PIBF1: variants seen among roughly 807,000 people sequenced by gnomAD.
PIBF1 encodes progesterone immunomodulatory binding factor 1.
PIBF1 carries 90 observed loss-of-function variants against 112.5 expected under a neutral mutation model. That is an observed-to-expected ratio of 0.80 (90% confidence interval 0.67 to 0.95). The LOEUF (loss-of-function observed/expected upper bound fraction) is 0.95, where lower values mean the gene tolerates loss of function less well. Among genes scored for constraint, PIBF1 ranks in the 40% least tolerant of loss-of-function variants. The probability of loss-of-function intolerance (pLI) is 0.00; values close to 1 mark genes in which losing one functional copy is unlikely to be tolerated. For synonymous variants in PIBF1, 301 were observed against 288.6 expected (o/e 1.04, Z -0.44); for missense variants, 915 against 852.3 (o/e 1.07, Z -0.92).
intron 13 of PIBF1, among the ~76,000 whole-genome samples, chr13:72,926,695 A>G (rs1167435495): frequency 6.6e-6 from 1 of 152,192 alleles, no homozygotes; most frequent in Non-Finnish European, 1.5e-5. Flanking sequence ...TCTATACTCT[A>G]CTACTTAGAA....
chr13:73,012,436 A>T (rs1389668828), intron 17 of PIBF1, among the ~76,000 whole-genome samples: 1 of 152,076 alleles, frequency 6.6e-6, no homozygotes, highest in Non-Finnish European at 1.5e-5. Context: ...AACCTTGAGA[A>T]TATTTCAGGC....
At chr13:73,012,277 G>C (rs1273213587) in intron 17 of PIBF1, among the ~76,000 whole-genome samples, 1 of 152,070 alleles carries the variant, frequency 6.6e-6, no homozygotes, top group Admixed American at 6.6e-5. Flanking sequence ...GCTTGAACCT[G>C]GGAGGCCAAG....
intron 14 of PIBF1, among the ~76,000 whole-genome samples, chr13:72,935,857 T>C (rs1463570368): frequency 6.6e-6 from 1 of 152,078 alleles, no homozygotes; most frequent in African/African-American, 2.4e-5. Context: ...CTCCTCACAT[T>C]TTTTGTCTGT....
At chr13:72,867,466 CTAGT>C (rs1275187902) in intron 10 of PIBF1, among the ~76,000 whole-genome samples, 2 of 152,126 alleles carry the variant, frequency 1.3e-5, no homozygotes, top group African/African-American at 4.8e-5. Flanking sequence ...TTACCATCAT[CTAGT>C]TAGTTGATTT....
intron 16 of PIBF1, among the ~76,000 whole-genome samples, chr13:72,976,414 CCTA>C (rs1396847103): frequency 1.3e-5 from 2 of 152,138 alleles, no homozygotes; most frequent in East Asian, 3.9e-4. Context: ...TCATTAATTG[CCTA>C]CTACTACATG....
At chr13:72,848,831 CA>C (rs1250173775) in intron 9 of PIBF1, among the ~76,000 whole-genome samples, 1,413 of 93,774 alleles carry the variant, frequency 0.015, 13 homozygotes, top group Middle Eastern at 0.026. Context: ...GACTCCGTCT[CA>C]AAAAAAAAAA....
chr13:72,982,957 G>A (rs777843850), intron 16 of PIBF1, among the ~76,000 whole-genome samples: 1 of 152,176 alleles, frequency 6.6e-6, no homozygotes, highest in Non-Finnish European at 1.5e-5. Context: ...CTAAAACCTT[G>A]GAGATGGTAG....
At chr13:72,869,421 G>A (rs1218710033) in intron 10 of PIBF1, among the ~76,000 whole-genome samples, 3 of 142,256 alleles carry the variant, frequency 2.1e-5, no homozygotes, top group Non-Finnish European at 3.0e-5. Flanking sequence ...AACAATGAGA[G>A]CACATGGACA....
chr13:72,824,445 G>T (rs1593982726), intron 6 of PIBF1, among the ~76,000 whole-genome samples: 1 of 152,124 alleles, frequency 6.6e-6, no homozygotes, highest in African/African-American at 2.4e-5. Context: ...CCATTGAATA[G>T]AATAAGAGTT....
intron 14 of PIBF1, among the ~76,000 whole-genome samples, chr13:72,935,423 G>A (rs141102327): frequency 1.4e-4 from 22 of 152,258 alleles, no homozygotes; most frequent in African/African-American, 4.3e-4. Flanking sequence ...TTGTGTGGAA[G>A]TACCACAGTT....
chr13:72,849,286 A>G (rs1042901103), intron 9 of PIBF1, among the ~76,000 whole-genome samples: 1 of 152,218 alleles, frequency 6.6e-6, no homozygotes, highest in African/African-American at 2.4e-5. Flanking sequence ...TAAAACACTT[A>G]TCTTTCTTTG....
At chr13:72,992,155 T>C (rs2043502154) in intron 16 of PIBF1, among the ~76,000 whole-genome samples, 1 of 152,194 alleles carries the variant, frequency 6.6e-6, no homozygotes, top group Non-Finnish European at 1.5e-5. Context: ...GTCGCATCAC[T>C]GCAGTCCAGC....
chr13:72,935,945 T>C lies in PIBF1; in HGVS notation c.1833+4678T>C, dbSNP rs542990482. ...TCCTAAATACAAGTCATTTATCAGA[T>C]ATATGATTTACAAATATTTTTTCCC... On this transcript the variant is annotated intron_variant, in intron 14 of 17. Coordinates refer to ENST00000326291, the MANE Select transcript of PIBF1 (RefSeq NM_006346.4). Among the ~76,000 whole-genome samples, 14 of 152,160 alleles carry C rather than the reference T, an allele frequency of 9.2e-5. No homozygotes were observed. The East Asian group carries it at 2.5e-3, about 27-fold the overall frequency.
chr13:72,940,958 G>A (rs1394628742), intron 14 of PIBF1, among the ~76,000 whole-genome samples: 1 of 152,124 alleles, frequency 6.6e-6, no homozygotes, highest in Non-Finnish European at 1.5e-5. Flanking sequence ...TCAGAGTTCT[G>A]TCTCTTTGCA....
chr13:72,910,444 A>G (rs1322124551), intron 12 of PIBF1, among the ~76,000 whole-genome samples: 3 of 152,206 alleles, frequency 2.0e-5, no homozygotes, highest in African/African-American at 7.2e-5. Flanking sequence ...GTAACTTTGC[A>G]TATTTCCCTT....
intron 5 of PIBF1, among the ~76,000 whole-genome samples, chr13:72,813,410 A>G (rs979878583): frequency 6.6e-6 from 1 of 152,180 alleles, no homozygotes; most frequent in African/African-American, 2.4e-5. Context: ...GTATTGCTGC[A>G]TAACAAATCA....
At chr13:73,014,081 C>T (rs1377365669) in intron 17 of PIBF1, among the ~76,000 whole-genome samples, 1 of 151,348 alleles carries the variant, frequency 6.6e-6, no homozygotes, top group African/African-American at 2.4e-5. Flanking sequence ...CTCTCCTCCC[C>T]TCCCCCTTTT....
chr13:72,799,908 G>A (rs188103504), intron 5 of PIBF1, among the ~76,000 whole-genome samples: 1 of 152,130 alleles, frequency 6.6e-6, no homozygotes, highest in African/African-American at 2.4e-5. Context: ...CTTGAACACA[G>A]ATTCCTCAGG....
chr13:72,926,638 C>T (rs950988313), intron 13 of PIBF1, among the ~76,000 whole-genome samples: 1 of 152,248 alleles, frequency 6.6e-6, no homozygotes, highest in South Asian at 2.1e-4. Context: ...ATATCTCTGC[C>T]TATATCTCTC....
Sources: allele counts gnomAD v4.1 joint callset (sites outside exome capture counted in the v4.1 genomes callset), GRCh38; gene constraint gnomAD v4.1.1; transcripts MANE v1.5; gene names NCBI Gene and HGNC (gene_info 2026-07-23, HGNC 2026-07-21).